HEMK2: variants seen among roughly 807,000 people sequenced by gnomAD.
The protein encoded by HEMK2 is HemK methyltransferase 2, ETF1 glutamine and histone H4 lysine.
chr21:28,610,361 T>A, the HEMK2 span, among the ~76,000 whole-genome samples: 1 of 151,932 alleles, frequency 6.6e-6, no homozygotes, highest in Non-Finnish European at 1.5e-5. Context: ...GCTGAGAAAA[T>A]TTCCCACTAC....
the HEMK2 span, among the ~76,000 whole-genome samples, chr21:28,796,299 CCGG>C: frequency 6.6e-6 from 1 of 152,002 alleles, no homozygotes; most frequent in Admixed American, 6.6e-5. Context: ...GCCACTACGT[CCGG>C]CTAATTTTTG....
At chr21:28,838,975 ATATATATATATAT>A in the HEMK2 span, among the ~76,000 whole-genome samples, 22 of 30,706 alleles carry the variant, frequency 7.2e-4, no homozygotes, top group East Asian at 0.026. Flanking sequence ...AAAAAAAAAT[ATATATATATATAT>A]ATATATATAT....
chr21:28,699,736 T>C, the HEMK2 span, among the ~76,000 whole-genome samples: 1 of 152,182 alleles, frequency 6.6e-6, no homozygotes, highest in Non-Finnish European at 1.5e-5. Flanking sequence ...AGGAAAAAGT[T>C]TGCAAGCACA....
At chr21:28,646,136 C>T in the HEMK2 span, among the ~76,000 whole-genome samples, 4 of 152,210 alleles carry the variant, frequency 2.6e-5, no homozygotes, top group East Asian at 7.7e-4. Flanking sequence ...GAACATCTGG[C>T]ACATGTTTGC....
chr21:28,742,747 T>A, the HEMK2 span, among the ~76,000 whole-genome samples: 1 of 152,030 alleles, frequency 6.6e-6, no homozygotes, highest in East Asian at 1.9e-4. Context: ...TCATGTGCAA[T>A]GTCATGGTGC....
the HEMK2 span, among the ~76,000 whole-genome samples, chr21:28,672,686 G>A: frequency 6.6e-6 from 1 of 152,284 alleles, no homozygotes; most frequent in Non-Finnish European, 1.5e-5. Flanking sequence ...AGGTGGTGCT[G>A]TATTAGTAGG....
chr21:28,629,932 T>C, the HEMK2 span, among the ~76,000 whole-genome samples: 2 of 151,942 alleles, frequency 1.3e-5, no homozygotes, highest in African/African-American at 4.8e-5. Context: ...GTTTCTTTTT[T>C]TTTTTTTGAT....
chr21:28,605,926 AT>A, the HEMK2 span, among the ~76,000 whole-genome samples: 1 of 152,216 alleles, frequency 6.6e-6, no homozygotes, highest in Non-Finnish European at 1.5e-5. Flanking sequence ...GGACAAAAAA[AT>A]TGCTTGCTTG....
chr21:28,823,536 C>G, the HEMK2 span, among the ~76,000 whole-genome samples: 1 of 152,142 alleles, frequency 6.6e-6, no homozygotes, highest in Non-Finnish European at 1.5e-5. Context: ...ATCTCAGACA[C>G]TGAAACACAA....
chr21:28,785,984 A>G, the HEMK2 span, among the ~76,000 whole-genome samples: 9 of 152,264 alleles, frequency 5.9e-5, no homozygotes, highest in African/African-American at 1.9e-4. Flanking sequence ...CCTTGTTCAC[A>G]CTTTCCTTGT....
chr21:28,864,734 G>A, the HEMK2 span, among the ~76,000 whole-genome samples: 4 of 151,788 alleles, frequency 2.6e-5, no homozygotes, highest in African/African-American at 9.7e-5. Context: ...TCCATTCCTG[G>A]GAATGGCACT....
At chr21:28,844,398 T>C in the HEMK2 span, among the ~76,000 whole-genome samples, 1 of 152,074 alleles carries the variant, frequency 6.6e-6, no homozygotes, top group African/African-American at 2.4e-5. Flanking sequence ...TTGTTTATTC[T>C]ACAAAAAGGG....
At chr21:28,616,083 T>A in the HEMK2 span, among the ~76,000 whole-genome samples, 1 of 152,242 alleles carries the variant, frequency 6.6e-6, no homozygotes, top group Non-Finnish European at 1.5e-5. Flanking sequence ...GAACATTTTG[T>A]AATAAACAGG....
At chr21:28,834,673 C>T in the HEMK2 span, among the ~76,000 whole-genome samples, 11 of 152,164 alleles carry the variant, frequency 7.2e-5, no homozygotes, top group Admixed American at 7.2e-4. Context: ...GGCACAAATC[C>T]GGCATGCAGA....
chr21:28,761,470 T>G, the HEMK2 span, among the ~76,000 whole-genome samples: 1 of 152,082 alleles, frequency 6.6e-6, no homozygotes, highest in Non-Finnish European at 1.5e-5. Context: ...AGGAGGCATC[T>G]CATTGTATCA....
the HEMK2 span, among the ~76,000 whole-genome samples, chr21:28,804,985 C>G: frequency 3.3e-5 from 5 of 152,220 alleles, no homozygotes; most frequent in African/African-American, 7.2e-5. Flanking sequence ...GGCCCCACCC[C>G]TGAAAATTCT....
chr21:28,869,261 A>C, the HEMK2 span, among the ~76,000 whole-genome samples: 1 of 152,244 alleles, frequency 6.6e-6, no homozygotes, highest in African/African-American at 2.4e-5. Context: ...AGAATGATAA[A>C]TGGAATTTAT....
chr21:28,657,237 T>C, the HEMK2 span, among the ~76,000 whole-genome samples: 1 of 152,008 alleles, frequency 6.6e-6, no homozygotes, highest in Non-Finnish European at 1.5e-5. Flanking sequence ...TGCATAAAGA[T>C]ACAGAAAAGT....
chr21:28,823,996 G>A, the HEMK2 span, among the ~76,000 whole-genome samples: 2 of 152,240 alleles, frequency 1.3e-5, no homozygotes, highest in African/African-American at 4.8e-5. Flanking sequence ...TTGGAGGAGG[G>A]GGCTAAATTT....
Sources: allele counts gnomAD v4.1 joint callset (sites outside exome capture counted in the v4.1 genomes callset), GRCh38; gene constraint gnomAD v4.1.1; transcripts MANE v1.5; gene names NCBI Gene and HGNC (gene_info 2026-07-23, HGNC 2026-07-21).